The following NT5C2 variants were observed in gnomAD, a reference collection of about 807,000 sequenced individuals.
NT5C2 encodes cytosolic purine 5'-nucleotidase.
NT5C2 carries 58 observed loss-of-function variants against 76.1 expected under a neutral mutation model. The ratio of observed to expected loss-of-function variants is 0.76; its 90% CI spans 0.62 to 0.95. NT5C2 has a LOEUF of 0.95. Among genes scored for constraint, NT5C2 ranks in the 40% least tolerant of loss-of-function variants. The pLI is 0.00. For synonymous variants in NT5C2, 229 were observed against 237.4 expected (o/e 0.96, Z 0.32); for missense variants, 478 against 690.3 (o/e 0.69, Z 3.45).
rs1440966270 is a variant in NT5C2, at chr10:103,088,377, CTTGGGA to C, written c.*1289_*1294del. 6 of 152,158 alleles carry C rather than the reference CTTGGGA, an allele frequency of 3.9e-5. No homozygotes were observed. Among genetic ancestry groups the C allele is most frequent in the East Asian group, 1.9e-4 (1 of 5,190 alleles). 9.4% of individuals were successfully genotyped at this position (152,158 alleles called of 1,614,324 possible). On this transcript the variant is annotated 3_prime_UTR_variant, in exon 19 of 19. Transcript: ENST00000404739. ...TGTTTAAAACAAGAGGTGATTTCGACTTGGGATTGGGATTTTTATTTTTTGAGATGG... is the reference window on the plus strand; with the variant it reads ...TGTTTAAAACAAGAGGTGATTTCGACTTGGGATTTTTATTTTTTGAGATGG...
At chr10:103,128,183 C>G (rs1009129216) in intron 4 of NT5C2, among the ~76,000 whole-genome samples, 2 of 150,196 alleles carry the variant, frequency 1.3e-5, no homozygotes, top group Non-Finnish European at 3.0e-5. Context: ...CTGCCTGATT[C>G]TCCTGCCTCA....
At position 103,089,695 on chromosome 10, in the gene NT5C2, C is replaced by A; in HGVS notation, c.1663G>T (p.Glu555Ter). Reference sequence around the variant, plus strand: ...CCTTATTCTTCCTCCTCCTCCTCCTCTTCATCATCATCTTCGTCATGGCAG... The same window carrying A: ...CCTTATTCTTCCTCCTCCTCCTCCTATTCATCATCATCTTCGTCATGGCAG... The part of the protein sequence containing the change: ...THCHDEDDDE[E>*]EEEEEE Residue 555 changes from glutamate (E) to a stop codon, truncating the protein, a stop_gained, in exon 19 of 19, where the codon GAG (glutamate) becomes TAG (stop). Transcript: ENST00000404739. LOFTEE classifies it high-confidence loss of function. 1 of 1,609,710 alleles carries A rather than the reference C, an allele frequency of 6.2e-7. No homozygotes were observed. Among genetic ancestry groups the A allele is most frequent in the Non-Finnish European group, 8.5e-7 (1 of 1,177,896 alleles).
intron 4 of NT5C2, among the ~76,000 whole-genome samples, chr10:103,133,114 T>C (rs2078536561): frequency 6.6e-6 from 1 of 152,190 alleles, no homozygotes; most frequent in Middle Eastern, 3.2e-3. Context: ...CTCGTGATAG[T>C]GAATAACTCT....
intron 3 of NT5C2, among the ~76,000 whole-genome samples, chr10:103,159,034 A>T (rs1469232480): frequency 1.3e-5 from 2 of 152,162 alleles, no homozygotes; most frequent in African/African-American, 4.8e-5. Flanking sequence ...AAATCTAAAG[A>T]GATCTATCAG....
At chr10:103,140,497 A>G (rs1414499473) in intron 3 of NT5C2, among the ~76,000 whole-genome samples, 2 of 152,176 alleles carry the variant, frequency 1.3e-5, no homozygotes, top group Non-Finnish European at 2.9e-5. Flanking sequence ...TAATGTTGCA[A>G]TGAACATGGG....
intron 6 of NT5C2, chr10:103,105,467 G>C (rs1314445810): frequency 1.7e-6 from 1 of 592,068 alleles, no homozygotes; most frequent in East Asian, 4.1e-5. Context: ...TTTAAGATTA[G>C]TTTTGTTGTA....
intron 1 of NT5C2, 22 bp from the exon 2 acceptor site, chr10:103,181,350 T>A (rs55689128): frequency 0.41 from 60,142 of 146,786 alleles, 12,403 homozygotes; most frequent in East Asian, 0.56. Context: ...AAAAAAAAAA[T>A]AATAATTCAC....
chr10:103,146,349 G>C (rs193284309), intron 3 of NT5C2: 1 of 985,328 alleles, frequency 1.0e-6, no homozygotes, highest in Admixed American at 6.1e-5. Flanking sequence ...CAATTTCCTG[G>C]CCAAGTGCCC....
intron 1 of NT5C2, among the ~76,000 whole-genome samples, 191 bp downstream of exon 1, chr10:103,193,045 G>T (rs2092767047): frequency 6.6e-6 from 1 of 151,564 alleles, no homozygotes; most frequent in Admixed American, 6.6e-5. Context: ...GGAGGCGTGC[G>T]GCGTCCGCGA....
Position 103,089,767 on chromosome 10 carries a change from T to G in NT5C2, c.1591A>C (p.Ile531Leu). The G allele has an allele frequency of 6.2e-7, 1 of 1,614,054 alleles. No homozygotes were observed. Among genetic ancestry groups the G allele is most frequent in the Non-Finnish European group, 8.5e-7 (1 of 1,179,990 alleles). ...RHQLTRSISE[I>L]KPPNLFPLAP... ...AGTGGGAAGAGGTTGGGAGGTTTAA[T>G]CTCACTAATTGACCGTGTCAGCTGG... The change falls in exon 19 of 19, where the codon ATT becomes CTT. Residue 531 changes from isoleucine to leucine, a missense_variant. Coordinates refer to ENST00000404739, the MANE Select transcript of NT5C2 (RefSeq NM_001351169.2).
At chr10:103,110,818 C>G (rs1242530444) in intron 4 of NT5C2, among the ~76,000 whole-genome samples, 1 of 152,128 alleles carries the variant, frequency 6.6e-6, no homozygotes, top group Non-Finnish European at 1.5e-5. Context: ...TATAGTACAA[C>G]CAAGGTTGGA....
rs1169561083 is a variant in NT5C2 at position 103,096,056 on chromosome 10, T to G, written c.772-76A>C. The G allele has an allele frequency of 8.4e-6, 9 of 1,076,970 alleles. No individual in the cohort carries two copies. In the East Asian group the frequency reaches 1.2e-4, roughly 14 times the overall value. 66.7% of individuals were successfully genotyped at this position (1,076,970 alleles called of 1,614,324 possible). A position where few individuals can be genotyped will look rare whatever the true frequency, so the allele number is the denominator to read the frequency against. On this transcript the variant is annotated intron_variant, in intron 11 of 18. Transcript: ENST00000404739. Reference sequence around the variant, plus strand: ...ATATAACCTAAAGAAATTACAAGCTTTTCACAAAACATGTCTTTTTCAACA... The same window carrying G: ...ATATAACCTAAAGAAATTACAAGCTGTTCACAAAACATGTCTTTTTCAACA...
At position 103,089,587 on chromosome 10, in the gene NT5C2, G is replaced by T; in HGVS notation, c.*85C>A. ...TCATGGAGCCCCCTCCCTCCCCCGA[G>T]TAGAACCCTAACAGGGACCTCGTTT... is the stretch of plus-strand genomic sequence containing the variant. On this transcript the variant is annotated 3_prime_UTR_variant, in exon 19 of 19. Coordinates refer to ENST00000404739, the MANE Select transcript of NT5C2 (RefSeq NM_001351169.2). 1 of 1,453,198 alleles carries T rather than the reference G, an allele frequency of 6.9e-7. No homozygotes were observed. The highest frequency in any genetic ancestry group is 1.4e-5 in the African/African-American group (1 of 70,344). 90.0% of individuals were successfully genotyped at this position (1,453,198 alleles called of 1,614,324 possible).
intron 3 of NT5C2, among the ~76,000 whole-genome samples, chr10:103,143,190 T>C (rs991455394): frequency 9.2e-5 from 14 of 152,092 alleles, no homozygotes; most frequent in African/African-American, 3.4e-4. Flanking sequence ...TAGAATGATA[T>C]AGATCAGTGG....
At chr10:103,099,774 C>T in intron 9 of NT5C2, 152 bp downstream of exon 9, 1 of 492,806 alleles carries the variant, frequency 2.0e-6, no homozygotes, top group Non-Finnish European at 3.6e-6. Flanking sequence ...AAGACAAGAA[C>T]AAATGTATTC....
intron 1 of NT5C2, among the ~76,000 whole-genome samples, chr10:103,182,262 A>G (rs1031005931): frequency 6.6e-6 from 1 of 152,208 alleles, no homozygotes; most frequent in African/African-American, 2.4e-5. Flanking sequence ...TTTCAATGGA[A>G]TAAGTATGTC....
chr10:103,137,101 TA>T (rs1242210629), intron 4 of NT5C2, among the ~76,000 whole-genome samples: 83 of 152,168 alleles, frequency 5.5e-4, no homozygotes, highest in Non-Finnish European at 5.9e-5. Flanking sequence ...AAGGGAAAAA[TA>T]TTTGTCACTT....
At chr10:103,104,789 T>C (rs2070763711) in intron 6 of NT5C2, among the ~76,000 whole-genome samples, 1 of 152,166 alleles carries the variant, frequency 6.6e-6, no homozygotes, top group Non-Finnish European at 1.5e-5. Flanking sequence ...TTGTGCCTCT[T>C]ATCACAAAAA....
chr10:103,110,174 C>T (rs2072582449), intron 4 of NT5C2, among the ~76,000 whole-genome samples: 1 of 152,078 alleles, frequency 6.6e-6, no homozygotes, highest in Admixed American at 6.5e-5. Flanking sequence ...GTAACTCACA[C>T]CTGTAATCCC....
Sources: allele counts gnomAD v4.1 joint callset (sites outside exome capture counted in the v4.1 genomes callset), GRCh38; gene constraint gnomAD v4.1.1; transcripts MANE v1.5; gene names NCBI Gene and HGNC (gene_info 2026-07-23, HGNC 2026-07-21).